ACOX3: variants seen among roughly 807,000 people sequenced by gnomAD.
The protein encoded by ACOX3 is acyl-CoA oxidase 3, pristanoyl.
ACOX3 carries 73 observed loss-of-function variants against 81.5 expected under a neutral mutation model. That is an observed-to-expected ratio of 0.90 (90% confidence interval 0.74 to 1.09). The LOEUF is 1.09. Ranked by LOEUF, ACOX3 falls within the 50% of genes least tolerant of loss-of-function variation. The pLI, the probability that ACOX3 is intolerant of heterozygous loss-of-function variation, is 0.00. For synonymous variants in ACOX3, 387 were observed against 375.1 expected (o/e 1.03, Z -0.37); for missense variants, 947 against 928.0 (o/e 1.02, Z -0.27).
In ACOX3 at chr4:8,428,406, C is replaced by T. The variant is rs905347140; in HGVS notation, c.-14-11871G>A. The T allele has an allele frequency of 1.4e-4, 21 of 152,842 alleles. 1 individual carries two copies. The highest frequency in any genetic ancestry group is 4.3e-4 in the African/African-American group (18 of 41,486). The allele number at this position is 152,842 out of a possible 1,614,324, so 9.5% of individuals were successfully genotyped here. A position where few individuals can be genotyped will look rare whatever the true frequency, so the allele number is the denominator to read the frequency against. On this transcript the variant is annotated intron_variant, in intron 1 of 17. Coordinates refer to ENST00000356406, the MANE Select transcript of ACOX3 (RefSeq NM_003501.3). The stretch of plus-strand genomic sequence containing the variant: ...CCGCGACCGACTCGGAGTACTGGGA[C>T]TAGCTGCCCGCACAGCGCAGCTGTC...
rs865840315 is a variant in ACOX3 at position 8,386,342 on chromosome 4, G to T, written c.1537+2831C>A. ...AGCACTTCGGGAGGCCAAGGTGGGCGGATCACGAGGTCAGGATATCGAGAC... is the reference window on the plus strand; with the variant it reads ...AGCACTTCGGGAGGCCAAGGTGGGCTGATCACGAGGTCAGGATATCGAGAC... On this transcript the variant is annotated intron_variant, in intron 13 of 17. Transcript: ENST00000356406. This position sits in a 1 kb window ranked among gnomAD's most constrained non-coding sequence, Gnocchi z 5.2. Among the ~76,000 whole-genome samples, 1 of 152,046 alleles carries T rather than the reference G, an allele frequency of 6.6e-6. No homozygotes were observed. The highest frequency in any genetic ancestry group is 2.4e-5 in the African/African-American group (1 of 41,390).
chr4:8,372,434 CCT>C (rs2108791589), intron 16 of ACOX3, among the ~76,000 whole-genome samples: 1 of 152,264 alleles, frequency 6.6e-6, no homozygotes, highest in Non-Finnish European at 1.5e-5. Context: ...GCTATGCCCC[CCT>C]CTCTGGCGAG....
intron 13 of ACOX3, among the ~76,000 whole-genome samples, chr4:8,383,541 G>T (rs1046818403): frequency 2.6e-5 from 4 of 152,212 alleles, no homozygotes; most frequent in Admixed American, 1.3e-4. Flanking sequence ...TCCTGGAGCT[G>T]CCAGGAGCCT....
chr4:8,372,210 T>A (rs1417113974), intron 16 of ACOX3, among the ~76,000 whole-genome samples: 1 of 152,188 alleles, frequency 6.6e-6, no homozygotes, highest in Non-Finnish European at 1.5e-5. Context: ...CCACCCTACC[T>A]CAGCCTCTTG....
chr4:8,387,305 G>T (rs1718427997), intron 13 of ACOX3, among the ~76,000 whole-genome samples: 2 of 152,224 alleles, frequency 1.3e-5, no homozygotes, highest in Non-Finnish European at 2.9e-5. Context: ...GAGGGACTTG[G>T]TGTAGGTTCC....
chr4:8,374,865 G>A (rs1358905382), intron 15 of ACOX3, 113 bp downstream of exon 15: 14 of 1,199,798 alleles, frequency 1.2e-5, no homozygotes, highest in Middle Eastern at 2.0e-4. Context: ...GCCATCCGCC[G>A]TGCTCAGTGA....
Position 8,389,513 on chromosome 4 carries a change from G to C in ACOX3, c.1423+99C>G. 2.6e-6 allele frequency: 4 copies of C among 1,556,658 alleles called. No homozygotes were observed. In the Admixed American group the frequency reaches 6.8e-5, roughly 26 times the overall value. On this transcript the variant is annotated intron_variant, in intron 12 of 17. Transcript: ENST00000356406. The surrounding 1 kb of genome is among the most constrained non-coding windows in gnomAD (Gnocchi z 5.3). ...ACATTTCTTTCCTTCTGCAAACCTAGGATGCATTCACAGAACAGCTGAATC... is the reference window on the plus strand; with the variant it reads ...ACATTTCTTTCCTTCTGCAAACCTACGATGCATTCACAGAACAGCTGAATC...
intron 1 of ACOX3, among the ~76,000 whole-genome samples, chr4:8,438,028 AG>A (rs1724356307): frequency 6.6e-6 from 1 of 152,242 alleles, no homozygotes; most frequent in South Asian, 2.1e-4. Context: ...CCCTCCTCTA[AG>A]AAACTTAAAC....
chr4:8,360,307 A>G, the ACOX3 span, among the ~76,000 whole-genome samples: 1 of 152,236 alleles, frequency 6.6e-6, no homozygotes, highest in Non-Finnish European at 1.5e-5. Context: ...TAAAAAGTGT[A>G]ATGCCTTTTA....
chr4:8,434,968 G>A (rs1171187627), intron 1 of ACOX3, among the ~76,000 whole-genome samples: 1 of 151,960 alleles, frequency 6.6e-6, no homozygotes, highest in East Asian at 1.9e-4. Context: ...TTTCCTTCTT[G>A]TAGTGTGAAT....
At position 8,371,651 on chromosome 4, in the gene ACOX3, G is replaced by C. The variant is rs567116500; in HGVS notation, c.1897-657C>G. ...AAGGCAATCAGTCAGTACAGAGTAA[G>C]AAAGGCCACAATGGAGGAACTGAGT... On this transcript the variant is annotated intron_variant, in intron 16 of 17. Transcript: ENST00000356406. Among the ~76,000 whole-genome samples the C allele has an allele frequency of 2.4e-4, 36 of 152,388 alleles. No homozygotes were observed. In the South Asian group the frequency reaches 3.9e-3, roughly 17 times the overall value.
In ACOX3 at chr4:8,400,020, G is replaced by A. The variant is rs1002324569; in HGVS notation, c.777-368C>T. Among the ~76,000 whole-genome samples, 7 of 152,136 alleles carry A rather than the reference G, an allele frequency of 4.6e-5. No homozygotes were observed. The highest frequency in any genetic ancestry group is 1.3e-4 in the Admixed American group (2 of 15,276). ...CCAGCACTTTGGGAGGCCGAGGTGG[G>A]TGGATCACCTCAGGTCAGGAGTTCG... On this transcript the variant is annotated intron_variant, in intron 7 of 17. Transcript: ENST00000356406. This position sits in a 1 kb window ranked among gnomAD's most constrained non-coding sequence, Gnocchi z 4.4.
chr4:8,367,030 C>G lies in ACOX3; in HGVS notation c.2034G>C (p.Glu678Asp). ...GAVLQESKVL[E>D]RASWWPEFSV... ...AAAACTCTGGCCACCAGGATGCCCGCTCCAACACCTTGCTTTCCTGCAGGA... is the reference window on the plus strand; with the variant it reads ...AAAACTCTGGCCACCAGGATGCCCGGTCCAACACCTTGCTTTCCTGCAGGA... Residue 678 changes from glutamate to aspartate, a missense_variant, in exon 18 of 18, where the codon GAG becomes GAC. By Grantham distance (45) the Glu-to-Asp change is conservative (BLOSUM62 2). Transcript: ENST00000356406. The G allele has an allele frequency of 6.2e-7, 1 of 1,614,176 alleles. No individual in the cohort carries two copies. Among genetic ancestry groups the G allele is most frequent in the Non-Finnish European group, 8.5e-7 (1 of 1,180,026 alleles).
At chr4:8,428,425 A>C (rs1275386596) in intron 1 of ACOX3, 2 of 152,596 alleles carry the variant, frequency 1.3e-5, no homozygotes, top group Non-Finnish European at 2.9e-5. Context: ...CGCACAGCGC[A>C]GCTGTCTCTG....
At chr4:8,408,343 C>G (rs945125031) in intron 6 of ACOX3, among the ~76,000 whole-genome samples, 3 of 152,018 alleles carry the variant, frequency 2.0e-5, no homozygotes, top group Admixed American at 6.5e-5. Flanking sequence ...GGGCGCAGAT[C>G]ACAATCCTGT....
rs1720225933 is a variant in ACOX3, at chr4:8,400,260, A to G, written c.777-608T>C. On this transcript the variant is annotated intron_variant, in intron 7 of 17. Transcript: ENST00000356406. The surrounding 1 kb of genome is among the most constrained non-coding windows in gnomAD (Gnocchi z 4.4). The stretch of plus-strand genomic sequence containing the variant: ...AGCAAGACTCCACCTCAATAATAAT[A>G]ATAATAATAATAATAATAATAATAA... Among the ~76,000 whole-genome samples the G allele has an allele frequency of 6.7e-6, 1 of 149,922 alleles. No individual in the cohort carries two copies.
Position 8,416,816 on chromosome 4 carries a change from CAG to C in ACOX3, c.-14-283_-14-282del, listed in dbSNP as rs1373916158. Among the ~76,000 whole-genome samples, 1 of 152,258 alleles carries C rather than the reference CAG, an allele frequency of 6.6e-6. No individual in the cohort carries two copies. The highest frequency in any genetic ancestry group is 6.5e-5 in the Admixed American group (1 of 15,288). The stretch of plus-strand genomic sequence containing the variant: ...CAGGCACACAGGGCAGAGGGTTTGT[CAG>C]AGTCTTGTTTTCTGTCACACAGCCT... On this transcript the variant is annotated intron_variant, in intron 1 of 17. Transcript: ENST00000356406. This position sits in a 1 kb window ranked among gnomAD's most constrained non-coding sequence, Gnocchi z 4.2.
rs998999847 is a variant in ACOX3, at chr4:8,407,743, C to T, written c.688-1700G>A. ...CTATGAATATTCTGGTCAATCACCG[C>T]TCCCCAAGATACAGGTCCAGCCAGC... On this transcript the variant is annotated intron_variant, in intron 6 of 17. Transcript: ENST00000356406. The surrounding 1 kb of genome is among the most constrained non-coding windows in gnomAD (Gnocchi z 4.6). 6.6e-6 allele frequency among the ~76,000 whole-genome samples: 1 copy of T among 152,256 alleles called. No individual in the cohort carries two copies. The highest frequency in any genetic ancestry group is 2.4e-5 in the African/African-American group (1 of 41,470).
At chr4:8,365,141 C>T (rs1205838602), downstream of ACOX3, among the ~76,000 whole-genome samples, 1 of 152,228 alleles carries the variant, frequency 6.6e-6, no homozygotes, top group East Asian at 1.9e-4. Context: ...GGCTGGGACC[C>T]CCAGGCAGTG....
Sources: gnomAD v4.1 joint callset for allele counts (sites outside exome capture counted in the v4.1 genomes callset) on GRCh38, gnomAD v4.1.1 for gene constraint, Gnocchi (gnomAD v3.1) non-coding constraint, MANE v1.5 for transcripts, NCBI Gene and HGNC (gene_info 2026-07-23, HGNC 2026-07-21) for gene names.